The following TSNARE1 variants were observed in gnomAD, a reference collection of about 807,000 sequenced individuals.
TSNARE1 encodes t-SNARE domain containing 1.
In TSNARE1, 49 loss-of-function variants were observed where a neutral mutation model predicts 62.0. The ratio of observed to expected loss-of-function variants is 0.79; its 90% CI spans 0.63 to 1.00. The LOEUF (loss-of-function observed/expected upper bound fraction) is 1.00. Ranked by LOEUF, TSNARE1 falls within the 50% of genes least tolerant of loss-of-function variation. The probability of loss-of-function intolerance (pLI) is 0.00; values close to 1 mark genes in which losing one functional copy is unlikely to be tolerated. For missense variants in TSNARE1, 755 were observed against 700.1 expected, an observed-to-expected ratio of 1.08 and a Z score of -0.88; for synonymous variants, 328 against 294.4, an observed-to-expected ratio of 1.11 and a Z score of -1.17.
chr8:142,217,058 A>C (rs1407582096), intron 13 of TSNARE1, among the ~76,000 whole-genome samples: 2 of 151,942 alleles, frequency 1.3e-5, no homozygotes. Context: ...CCTGGCTAAC[A>C]CAGTGAAACC....
intron 1 of TSNARE1, among the ~76,000 whole-genome samples, chr8:142,384,709 G>A (rs1032544869): frequency 1.3e-5 from 2 of 152,116 alleles, no homozygotes; most frequent in African/African-American, 4.8e-5. Context: ...AAAAGTAAAA[G>A]CTAAAATTAT....
intron 11 of TSNARE1, among the ~76,000 whole-genome samples, chr8:142,281,636 C>T (rs903455230): frequency 5.3e-5 from 8 of 152,008 alleles, no homozygotes; most frequent in Admixed American, 5.2e-4. Context: ...TTAAGGGGAC[C>T]CAGAGCTTTT....
Position 142,275,663 on chromosome 8 carries a change from G to A in TSNARE1, c.1364-800C>T, listed in dbSNP as rs571638492. ...CACGGGCAAGCCTTCTTCCCGGAGG[G>A]AGGTTCCTTGCAAGGCCTGCCTCCA... On this transcript the variant is annotated intron_variant, in intron 11 of 13. Coordinates refer to ENST00000524325, the MANE Select transcript of TSNARE1 (RefSeq NM_145003.5). 92 of 985,456 alleles carry A rather than the reference G, an allele frequency of 9.3e-5. No individual in the cohort carries two copies. In the African/African-American group the frequency reaches 1.4e-3, roughly 15 times the overall value. 61.0% of individuals were successfully genotyped at this position (985,456 alleles called of 1,614,324 possible). A position where few individuals can be genotyped will look rare whatever the true frequency, so the allele number is the denominator to read the frequency against.
intron 10 of TSNARE1, among the ~76,000 whole-genome samples, chr8:142,286,861 G>A (rs1179135751): frequency 6.6e-6 from 1 of 152,196 alleles, no homozygotes; most frequent in Admixed American, 6.5e-5. Context: ...CCTGGTCTTG[G>A]TGGCTCATGG....
intron 12 of TSNARE1, among the ~76,000 whole-genome samples, chr8:142,246,390 CCCTGCCCCCCACCATCCAG>C (rs2130238877): frequency 1.3e-5 from 2 of 152,266 alleles, no homozygotes; most frequent in South Asian, 4.1e-4. Context: ...TGCTGGCTGT[CCCTGCCCCCCACCATCCAG>C]CCTGCCCCCA....
chr8:142,310,461 C>G (rs1309890307), intron 9 of TSNARE1, among the ~76,000 whole-genome samples: 1 of 151,602 alleles, frequency 6.6e-6, no homozygotes, highest in Non-Finnish European at 1.5e-5. Flanking sequence ...GTCCCTTACT[C>G]CCTCCTCCGG....
intron 12 of TSNARE1, among the ~76,000 whole-genome samples, chr8:142,249,451 G>A (rs930315894): frequency 2.0e-5 from 3 of 152,242 alleles, no homozygotes; most frequent in Middle Eastern, 6.8e-3. Flanking sequence ...ACCTGGAAAG[G>A]GGGGTTTGGG....
chr8:142,340,591 G>A (rs768612335), intron 4 of TSNARE1, among the ~76,000 whole-genome samples: 3 of 151,988 alleles, frequency 2.0e-5, no homozygotes, highest in Non-Finnish European at 4.4e-5. Context: ...AAACTTTGAT[G>A]TGTGACTATT....
intron 9 of TSNARE1, among the ~76,000 whole-genome samples, chr8:142,302,656 C>T (rs779719202): frequency 3.9e-5 from 6 of 152,180 alleles, no homozygotes; most frequent in Non-Finnish European, 5.9e-5. Context: ...GCCAGCTTTG[C>T]GCCTCTGCTC....
At chr8:142,276,164 C>A (rs571686945) in intron 11 of TSNARE1, 20 of 985,434 alleles carry the variant, frequency 2.0e-5, no homozygotes, top group Admixed American at 1.2e-4. Context: ...GAGGGGAGAG[C>A]CAGGCTCCTG....
intron 12 of TSNARE1, among the ~76,000 whole-genome samples, chr8:142,242,777 C>T (rs1450823552): frequency 6.6e-6 from 1 of 152,008 alleles, no homozygotes; most frequent in Non-Finnish European, 1.5e-5. Flanking sequence ...GCCTGGCCAA[C>T]ATGGTGAAAC....
chr8:142,364,065 T>C (rs1340153436), intron 1 of TSNARE1, among the ~76,000 whole-genome samples: 2 of 152,204 alleles, frequency 1.3e-5, no homozygotes, highest in Admixed American at 6.5e-5. Context: ...AAATCACTTA[T>C]CAAGGTCACA....
intron 12 of TSNARE1, among the ~76,000 whole-genome samples, chr8:142,251,627 G>A (rs982451684): frequency 1.3e-5 from 2 of 152,002 alleles, no homozygotes; most frequent in Non-Finnish European, 2.9e-5. Context: ...GCTTATGAGA[G>A]GAGCCTTCGA....
rs190983980 is a variant in TSNARE1 at position 142,285,364 on chromosome 8, G to A, written c.1291-879C>T. ...GATGGGTGAGTAGATGGATGGGTGG[G>A]TGGGTAGATGTATGGATGGGTGAAT... On this transcript the variant is annotated intron_variant, in intron 10 of 13. Coordinates refer to ENST00000524325, the MANE Select transcript of TSNARE1 (RefSeq NM_145003.5). Among the ~76,000 whole-genome samples, 3 of 146,502 alleles carry A rather than the reference G, an allele frequency of 2.0e-5. No individual in the cohort carries two copies. The East Asian group carries it at 6.0e-4, about 29-fold the overall frequency.
chr8:142,387,660 A>G (rs566569299), intron 1 of TSNARE1, among the ~76,000 whole-genome samples: 1 of 152,288 alleles, frequency 6.6e-6, no homozygotes, highest in South Asian at 2.1e-4. Context: ...TGAAATTGAT[A>G]ATCATTTGGG....
chr8:142,329,631 C>T (rs917932652), intron 6 of TSNARE1, among the ~76,000 whole-genome samples: 21 of 152,194 alleles, frequency 1.4e-4, no homozygotes, highest in African/African-American at 4.8e-4. Flanking sequence ...TTCCTGAGCC[C>T]GAGCACCCCA....
At chr8:142,350,069 CCAGGGCAGGCAGGGCAGGCAGGGCAGG>C (rs71313219) in intron 2 of TSNARE1, among the ~76,000 whole-genome samples, 1 of 77,466 alleles carries the variant, frequency 1.3e-5, no homozygotes, top group Non-Finnish European at 2.2e-5. Flanking sequence ...AGGGCTGGGA[CCAGGGCAGGCAGGGCAGGCAGGGCAGG>C]CAGGGCAGGC....
chr8:142,328,699 G>A (rs1285118287), intron 6 of TSNARE1, among the ~76,000 whole-genome samples: 2 of 152,186 alleles, frequency 1.3e-5, no homozygotes, highest in Admixed American at 1.3e-4. Flanking sequence ...CGGCCCCCAG[G>A]GTGGAAGGGA....
chr8:142,237,794 G>A (rs1236902961), intron 12 of TSNARE1, among the ~76,000 whole-genome samples: 5 of 152,174 alleles, frequency 3.3e-5, no homozygotes, highest in African/African-American at 1.2e-4. Context: ...GATCTCTCCT[G>A]GACCTCTCTC....
Sources: gnomAD v4.1 joint callset for allele counts (sites outside exome capture counted in the v4.1 genomes callset) on GRCh38, gnomAD v4.1.1 for gene constraint, MANE v1.5 for transcripts, NCBI Gene and HGNC (gene_info 2026-07-23, HGNC 2026-07-21) for gene names.